The following MYO5A variants were observed in gnomAD, a reference collection of about 807,000 sequenced individuals.
MYO5A encodes the protein myosin VA.
Under a neutral mutation model 249.7 loss-of-function variants are expected in MYO5A, and 98 were observed. The observed-to-expected ratio is 0.39, with a 90% CI of 0.33 to 0.46. MYO5A has a LOEUF of 0.46. Ranked by LOEUF, MYO5A falls within the 20% of genes least tolerant of loss-of-function variation. The pLI is 0.98. For missense variants in MYO5A, 1,696 were observed against 2,308.8 expected, an observed-to-expected ratio of 0.73 and a Z score of 5.44; for synonymous variants, 778 against 810.6, an observed-to-expected ratio of 0.96 and a Z score of 0.68.
chr15:52,310,896 T>G lies in MYO5A; in HGVS notation c.*2800A>C, dbSNP rs1485425906. 2 of 152,190 alleles carry G rather than the reference T, an allele frequency of 1.3e-5. No homozygotes were observed. The highest frequency in any genetic ancestry group is 2.9e-5 in the Non-Finnish European group (2 of 68,050). 9.4% of individuals were successfully genotyped at this position (152,190 alleles called of 1,614,324 possible). ...TTTACTGGGCCTTGGGGTTCCCTGG[T>G]TACAAGGTATTCTTGTCAATGACTA... On this transcript the variant is annotated 3_prime_UTR_variant, in exon 42 of 42. Coordinates refer to ENST00000399233, the MANE Select transcript of MYO5A (RefSeq NM_001382347.1).
chr15:52,461,964 CA>C (rs548304865), intron 1 of MYO5A, among the ~76,000 whole-genome samples: 104 of 139,270 alleles, frequency 7.5e-4, no homozygotes, highest in Admixed American at 1.1e-3. Flanking sequence ...GACTCCATCT[CA>C]AAAAAAAAAA....
At chr15:52,437,328 C>T (rs1436706915) in intron 1 of MYO5A, among the ~76,000 whole-genome samples, 2 of 152,200 alleles carry the variant, frequency 1.3e-5, no homozygotes, top group Non-Finnish European at 2.9e-5. Context: ...GGCACAGTGG[C>T]TCATGCCTGT....
At chr15:52,504,060 T>TCC (rs2077213228) in intron 1 of MYO5A, among the ~76,000 whole-genome samples, 3 of 151,666 alleles carry the variant, frequency 2.0e-5, no homozygotes, top group Middle Eastern at 3.4e-3. Flanking sequence ...CCTTCTTTTT[T>TCC]TTTTTTTTTT....
chr15:52,528,920 C>T (rs1595851633), upstream of MYO5A: 1 of 987,370 alleles, frequency 1.0e-6, no homozygotes. Context: ...CAGGGCAGGG[C>T]AGGGCCGGGC....
intron 1 of MYO5A, among the ~76,000 whole-genome samples, chr15:52,511,174 T>C (rs1411423515): frequency 6.6e-6 from 1 of 152,218 alleles, no homozygotes; most frequent in Non-Finnish European, 1.5e-5. Flanking sequence ...ATGCCACCTC[T>C]GACCCAAGGG....
At chr15:52,383,220 G>A (rs762540679) in intron 15 of MYO5A, 32 bp from the exon 16 acceptor site, 3 of 1,535,598 alleles carry the variant, frequency 2.0e-6, no homozygotes, top group South Asian at 1.1e-5. Flanking sequence ...AGGGTATCAA[G>A]GCTTTGTCCA....
chr15:52,389,112 A>C lies in MYO5A; in HGVS notation c.1668+126T>G, dbSNP rs192030282. ...GAAAACCAACATGTCAACACTGAAG[A>C]CTGCTGTCCCTTGAGCCCTAAAGAA... On this transcript the variant is annotated intron_variant, in intron 13 of 41. Transcript: ENST00000399233. 123 of 910,216 alleles carry C rather than the reference A, an allele frequency of 1.4e-4. No individual in the cohort carries two copies. The East Asian group carries it at 2.8e-3, about 21-fold the overall frequency. 56.4% of individuals were successfully genotyped at this position (910,216 alleles called of 1,614,324 possible).
chr15:52,369,869 C>CTTT (rs5812601), intron 22 of MYO5A, among the ~76,000 whole-genome samples: 3 of 93,794 alleles, frequency 3.2e-5, no homozygotes, highest in African/African-American at 7.3e-5. Flanking sequence ...CCCAGACTGA[C>CTTT]TTTTTTTTTT....
chr15:52,480,739 C>T (rs1018292246), intron 1 of MYO5A, among the ~76,000 whole-genome samples: 4 of 152,180 alleles, frequency 2.6e-5, no homozygotes, highest in African/African-American at 9.7e-5. Flanking sequence ...AAGGAGGAGT[C>T]GCATGAGAAA....
intron 5 of MYO5A, among the ~76,000 whole-genome samples, chr15:52,413,729 G>A (rs2043348626): frequency 6.6e-6 from 1 of 152,116 alleles, no homozygotes; most frequent in Non-Finnish European, 1.5e-5. Context: ...CTTTCAAATT[G>A]AGATGCCCTT....
Position 52,375,387 on chromosome 15 carries a change from T to C in MYO5A, c.2494A>G (p.Arg832Gly), listed in dbSNP as rs763535142. 1.2e-6 allele frequency: 2 copies of C among 1,614,186 alleles called. No homozygotes were observed. The highest frequency in any genetic ancestry group is 1.7e-5 in the Admixed American group (1 of 60,024). The change falls in exon 20 of 42, where the codon AGG becomes GGG. Residue 832 changes from arginine to glycine, a missense_variant. Physicochemically the swap from Arg to Gly is moderately radical, Grantham distance 125. This residue lies in a region of MYO5A where 412 missense variants were observed against 453.3 expected (regional missense o/e 0.91). Coordinates refer to ENST00000399233, the MANE Select transcript of MYO5A (RefSeq NM_001382347.1). ...GCAGCTCGTCTAATCTTGTACCTCC[T>C]GCGGACCACATACATGCGCCAGTAC... The part of the protein sequence containing the change: ...QKYWRMYVVR[R>G]RYKIRRAATI...
At position 52,464,563 on chromosome 15, in the gene MYO5A, C is replaced by T. The variant is rs148522820; in HGVS notation, c.28-31278G>A. Among the ~76,000 whole-genome samples, 68 of 152,286 alleles carry T rather than the reference C, an allele frequency of 4.5e-4. 1 individual carries two copies. The East Asian group carries it at 7.1e-3, about 16-fold the overall frequency. ...TAACTAGCCAGAAAGCCTGTGAGGGCAGGGACAACGAACACCGAAACCTAG... is the reference window on the plus strand; with the variant it reads ...TAACTAGCCAGAAAGCCTGTGAGGGTAGGGACAACGAACACCGAAACCTAG... On this transcript the variant is annotated intron_variant, in intron 1 of 41. Transcript: ENST00000399233.
chr15:52,418,296 G>A (rs945147879), intron 4 of MYO5A, among the ~76,000 whole-genome samples: 1 of 152,114 alleles, frequency 6.6e-6, no homozygotes, highest in Non-Finnish European at 1.5e-5. Context: ...GTTTCCAGAA[G>A]GTCTAATGTG....
chr15:52,468,510 A>T (rs28485735), intron 1 of MYO5A, among the ~76,000 whole-genome samples: 2,981 of 151,892 alleles, frequency 0.02, 66 homozygotes, highest in African/African-American at 0.056. Flanking sequence ...TGTAAAAAAA[A>T]TTTTTTTTAA....
At chr15:52,406,321 G>A (rs1406882647) in intron 8 of MYO5A, among the ~76,000 whole-genome samples, 2 of 152,126 alleles carry the variant, frequency 1.3e-5, no homozygotes, top group Non-Finnish European at 2.9e-5. Flanking sequence ...CTGGAGTGCA[G>A]TGGTGTGATC....
At chr15:52,467,511 A>T (rs1346248209) in intron 1 of MYO5A, among the ~76,000 whole-genome samples, 1 of 152,218 alleles carries the variant, frequency 6.6e-6, no homozygotes, top group Non-Finnish European at 1.5e-5. Context: ...AAAGACATCA[A>T]GATATTAGGG....
intron 1 of MYO5A, among the ~76,000 whole-genome samples, chr15:52,466,126 C>T (rs1460933583): frequency 6.6e-6 from 1 of 152,098 alleles, no homozygotes; most frequent in East Asian, 1.9e-4. Flanking sequence ...AGGAAGTATC[C>T]CAGGCATTCC....
Position 52,308,426 on chromosome 15 carries a change from A to T in MYO5A, c.*5270T>A, listed in dbSNP as rs2037683000. On this transcript the variant is annotated 3_prime_UTR_variant, in exon 42 of 42. Coordinates refer to ENST00000399233, the MANE Select transcript of MYO5A (RefSeq NM_001382347.1). ...AGGGTTCTTAAAAAATTTTGAAAAG[A>T]ATGTCCACAAAAAGTTTGAGTTATA... The T allele has an allele frequency of 6.6e-6, 1 of 152,254 alleles. No homozygotes were observed. The highest frequency in any genetic ancestry group is 6.5e-5 in the Admixed American group (1 of 15,290). 9.4% of individuals were successfully genotyped at this position (152,254 alleles called of 1,614,324 possible).
chr15:52,454,693 G>A (rs2076084679), intron 1 of MYO5A, among the ~76,000 whole-genome samples: 1 of 151,942 alleles, frequency 6.6e-6, no homozygotes, highest in Admixed American at 6.6e-5. Context: ...ACAAATACAT[G>A]GAAATTAAAC....
Sources: allele counts gnomAD v4.1 joint callset (sites outside exome capture counted in the v4.1 genomes callset), GRCh38; gene constraint gnomAD v4.1.1; regional missense constraint gnomAD v4.1.1; transcripts MANE v1.5; gene names NCBI Gene and HGNC (gene_info 2026-07-23, HGNC 2026-07-21).